The following ATP8A2 variants were observed in gnomAD, a reference collection of about 807,000 sequenced individuals.
The protein encoded by ATP8A2 is ATPase phospholipid transporting 8A2, also known as phospholipid-transporting ATPase IB.
ATP8A2 carries 100 observed loss-of-function variants against 165.6 expected under a neutral mutation model. The ratio of observed to expected loss-of-function variants is 0.60; its 90% confidence interval spans 0.51 to 0.71. The LOEUF (loss-of-function observed/expected upper bound fraction) is 0.71, where lower values mean the gene tolerates loss of function less well. Ranked by LOEUF, ATP8A2 falls within the 30% of genes least tolerant of loss-of-function variation. The pLI is 0.00. For synonymous variants in ATP8A2, 543 were observed against 548.8 expected, an observed-to-expected ratio of 0.99 and a Z score of 0.15; for missense variants, 1,227 against 1,479.5, an observed-to-expected ratio of 0.83 and a Z score of 2.80.
intron 33 of ATP8A2, among the ~76,000 whole-genome samples, chr13:25,937,124 A>C (rs1954913721): frequency 6.6e-6 from 1 of 152,164 alleles, no homozygotes; most frequent in African/African-American, 2.4e-5. Context: ...AGGAAAACAA[A>C]GCAACTGACA....
intron 4 of ATP8A2, 63 bp from the exon 5 acceptor site, chr13:25,532,209 G>T: frequency 7.9e-7 from 1 of 1,272,760 alleles, no homozygotes; most frequent in Non-Finnish European, 1.1e-6. Context: ...TGTTTTGTTT[G>T]CTATTTCAAT....
intron 24 of ATP8A2, among the ~76,000 whole-genome samples, chr13:25,595,696 T>A (rs1565963811): frequency 6.6e-6 from 1 of 152,200 alleles, no homozygotes; most frequent in Non-Finnish European, 1.5e-5. Context: ...TATTTTGAAC[T>A]GTTGCATAGG....
chr13:25,740,302 C>G (rs1212512833), intron 25 of ATP8A2, among the ~76,000 whole-genome samples: 1 of 118,026 alleles, frequency 8.5e-6, no homozygotes, highest in East Asian at 2.6e-4. Flanking sequence ...GAGCAAGGCT[C>G]TATCTCAAAA....
At chr13:25,671,765 G>C (rs374609408) in intron 24 of ATP8A2, among the ~76,000 whole-genome samples, 1 of 152,088 alleles carries the variant, frequency 6.6e-6, no homozygotes. Flanking sequence ...ATTTTGCCTC[G>C]GTCCTGTGGT....
At chr13:25,610,408 G>A (rs1339206289) in intron 24 of ATP8A2, among the ~76,000 whole-genome samples, 1 of 151,880 alleles carries the variant, frequency 6.6e-6, no homozygotes, top group Non-Finnish European at 1.5e-5. Context: ...TTGCTTTGTC[G>A]AGGATCAGTT....
At chr13:25,676,199 A>T (rs1335295212) in intron 24 of ATP8A2, among the ~76,000 whole-genome samples, 3 of 152,238 alleles carry the variant, frequency 2.0e-5, no homozygotes, top group African/African-American at 7.2e-5. Flanking sequence ...TTCAAATTAG[A>T]GAATATGTTT....
At chr13:25,462,435 G>A (rs1164294801) in intron 1 of ATP8A2, among the ~76,000 whole-genome samples, 1 of 152,116 alleles carries the variant, frequency 6.6e-6, no homozygotes, top group Non-Finnish European at 1.5e-5. Context: ...TACCAGTCAG[G>A]ACCAGCCAAT....
chr13:25,553,948 T>C (rs1424215705), intron 12 of ATP8A2, 28 bp downstream of exon 12: 10 of 1,596,310 alleles, frequency 6.3e-6, no homozygotes, highest in Non-Finnish European at 8.5e-6. Flanking sequence ...GTTGAATCAC[T>C]ATTTTCCAAT....
intron 35 of ATP8A2, among the ~76,000 whole-genome samples, chr13:26,007,658 G>C (rs1415946530): frequency 2.0e-5 from 3 of 152,134 alleles, no homozygotes; most frequent in Non-Finnish European, 4.4e-5. Flanking sequence ...ACAAAGGCAG[G>C]CTCTCAAAAC....
chr13:25,466,250 G>A (rs1196580399), intron 1 of ATP8A2, among the ~76,000 whole-genome samples: 1 of 152,064 alleles, frequency 6.6e-6, no homozygotes, highest in Non-Finnish European at 1.5e-5. Context: ...GACCCTCAGG[G>A]TTGATTTGTT....
rs2045131077 is a variant in ATP8A2 at position 25,790,186 on chromosome 13, T to C, written c.2679+15227T>C. On this transcript the variant is annotated intron_variant, in intron 27 of 36. Transcript: ENST00000381655. Reference sequence around the variant, plus strand: ...ATGGGTAAAGATTTCATGATGAAGATGGCAAAAGCAATTGCAACAAAAGCA... The same window carrying C: ...ATGGGTAAAGATTTCATGATGAAGACGGCAAAAGCAATTGCAACAAAAGCA... Among the ~76,000 whole-genome samples the C allele has an allele frequency of 2.6e-5, 4 of 152,146 alleles. No individual in the cohort carries two copies. In the South Asian group the frequency reaches 8.3e-4, roughly 32 times the overall value.
Position 25,745,959 on chromosome 13 carries a change from T to C in ATP8A2, c.2385-23087T>C, listed in dbSNP as rs563342258. On this transcript the variant is annotated intron_variant, in intron 25 of 36. Transcript: ENST00000381655. ...GCTAGGCAGGAGGCTGACTACATCC[T>C]ATCATGTTGATGGTTTATATTGTTT... Among the ~76,000 whole-genome samples, 4 of 152,344 alleles carry C rather than the reference T, an allele frequency of 2.6e-5. No individual in the cohort carries two copies. In the East Asian group the frequency reaches 5.8e-4, roughly 22 times the overall value.
At chr13:25,674,510 A>G (rs2042333421) in intron 24 of ATP8A2, among the ~76,000 whole-genome samples, 1 of 152,156 alleles carries the variant, frequency 6.6e-6, no homozygotes, top group Non-Finnish European at 1.5e-5. Context: ...CCTTTTCACC[A>G]AGAGAGGATT....
chr13:25,868,303 C>G (rs1952573440), intron 33 of ATP8A2, among the ~76,000 whole-genome samples: 1 of 152,176 alleles, frequency 6.6e-6, no homozygotes, highest in Non-Finnish European at 1.5e-5. Flanking sequence ...ATGAGCATAT[C>G]TTAAGGTTAC....
At chr13:25,652,726 T>C (rs1048718031) in intron 24 of ATP8A2, among the ~76,000 whole-genome samples, 3 of 152,208 alleles carry the variant, frequency 2.0e-5, no homozygotes, top group Non-Finnish European at 2.9e-5. Context: ...CTCTTATTGG[T>C]GCATAGGAAA....
intron 2 of ATP8A2, among the ~76,000 whole-genome samples, chr13:25,505,633 G>T (rs2037012283): frequency 6.6e-6 from 1 of 152,160 alleles, no homozygotes; most frequent in African/African-American, 2.4e-5. Flanking sequence ...TATCCAGAAA[G>T]ACGTACACAT....
intron 33 of ATP8A2, among the ~76,000 whole-genome samples, chr13:25,897,562 T>G (rs1953596646): frequency 6.6e-6 from 1 of 152,218 alleles, no homozygotes. Context: ...CTGTATTTCC[T>G]GAATTTGAAT....
At chr13:25,678,726 G>A (rs1278052405) in intron 24 of ATP8A2, among the ~76,000 whole-genome samples, 3 of 152,186 alleles carry the variant, frequency 2.0e-5, no homozygotes, top group African/African-American at 7.2e-5. Context: ...AATTAGTCCT[G>A]GGGTTGAATT....
intron 1 of ATP8A2, among the ~76,000 whole-genome samples, chr13:25,427,539 G>A (rs1260776224): frequency 1.3e-5 from 2 of 151,990 alleles, no homozygotes; most frequent in Non-Finnish European, 2.9e-5. Flanking sequence ...TGCCAAAAAG[G>A]TTGGCAACCA....
Sources: gnomAD v4.1 joint callset for allele counts (sites outside exome capture counted in the v4.1 genomes callset) on GRCh38, gnomAD v4.1.1 for gene constraint, MANE v1.5 for transcripts, NCBI Gene and HGNC (gene_info 2026-07-23, HGNC 2026-07-21) for gene names.